The following VLDLR variants were observed in gnomAD, a reference collection of about 807,000 sequenced individuals.
VLDLR encodes very low density lipoprotein receptor, also known as very low-density lipoprotein receptor.
VLDLR carries 81 observed loss-of-function variants against 112.7 expected under a neutral mutation model. The observed-to-expected ratio is 0.72, with a 90% CI of 0.60 to 0.86. The LOEUF (loss-of-function observed/expected upper bound fraction) is 0.86, where lower values mean the gene tolerates loss of function less well. VLDLR is among the 40% of genes least tolerant of loss of function. The pLI, the probability that VLDLR is intolerant of heterozygous loss-of-function variation, is 0.00. For missense variants in VLDLR, 1,237 were observed against 1,099.4 expected (o/e 1.13, Z -1.77); for synonymous variants, 436 against 384.8 (o/e 1.13, Z -1.56).
chr9:2,627,966 G>A (rs1817169375), intron 1 of VLDLR, among the ~76,000 whole-genome samples: 1 of 152,074 alleles, frequency 6.6e-6, no homozygotes, highest in African/African-American at 2.4e-5. Context: ...AAGTATTCTA[G>A]CTAGTAAAAC....
Position 2,654,579 on chromosome 9 carries a change from C to T in VLDLR, c.*711C>T, listed in dbSNP as rs1818515864. On this transcript the variant is annotated 3_prime_UTR_variant, in exon 19 of 19. Transcript: ENST00000382100. ...AGCTGTAGTTCTTGATGTTGTATAA[C>T]TAAGCCTGTAATTGGGCTGGTTTCT... 6.5e-6 allele frequency: 1 copy of T among 152,982 alleles called. No homozygotes were observed. The highest frequency in any genetic ancestry group is 2.4e-5 in the African/African-American group (1 of 41,422). The allele number at this position is 152,982 out of a possible 1,614,324, so 9.5% of individuals were successfully genotyped here.
At chr9:2,624,326 G>A (rs1003089960) in intron 1 of VLDLR, among the ~76,000 whole-genome samples, 2 of 152,204 alleles carry the variant, frequency 1.3e-5, no homozygotes, top group Admixed American at 6.5e-5. Flanking sequence ...TAAGTTCAAA[G>A]TCTCAGGGCA....
rs1164163174 is a variant in VLDLR at position 2,656,653 on chromosome 9, A to T, written c.*2785A>T. On this transcript the variant is annotated 3_prime_UTR_variant, in exon 19 of 19. Coordinates refer to ENST00000382100, the MANE Select transcript of VLDLR (RefSeq NM_003383.5). ...TAAAATATGAAGCTTATCATACACT[A>T]AAGGAGAATATTTGGAGTTAGATGA... The T allele has an allele frequency of 6.6e-6, 1 of 152,134 alleles. No homozygotes were observed. Among genetic ancestry groups the T allele is most frequent in the East Asian group, 1.9e-4 (1 of 5,188 alleles). The allele number at this position is 152,134 out of a possible 1,614,324, so 9.4% of individuals were successfully genotyped here.
chr9:2,639,963 G>T lies in VLDLR; in HGVS notation c.307G>T (p.Glu103Ter). 6.2e-7 allele frequency: 1 copy of T among 1,614,202 alleles called. No individual in the cohort carries two copies. Among genetic ancestry groups the T allele is most frequent in the South Asian group, 1.1e-5 (1 of 91,078 alleles). Residue 103 changes from glutamate to a stop codon, truncating the protein, a stop_gained, in exon 3 of 19, where the codon GAA becomes TAA. Transcript: ENST00000382100. LOFTEE classifies it high-confidence loss of function. ...GDPDCEDGSDESPEQCHMRTC... is the reference protein window; with the variant it reads ...GDPDCEDGSD ...TCCTGACTGCGAAGATGGTTCAGAT[G>T]AAAGCCCAGAACAGTGCCGTGAGTG...
intron 2 of VLDLR, among the ~76,000 whole-genome samples, chr9:2,638,678 A>C (rs1402616805): frequency 6.6e-6 from 1 of 152,198 alleles, no homozygotes; most frequent in Non-Finnish European, 1.5e-5. Flanking sequence ...TTCCAGATAT[A>C]ATTAAAAGTG....
At chr9:2,623,500 A>T (rs1364253605) in intron 1 of VLDLR, among the ~76,000 whole-genome samples, 1 of 152,236 alleles carries the variant, frequency 6.6e-6, no homozygotes, top group Non-Finnish European at 1.5e-5. Flanking sequence ...GTGCTCCTGA[A>T]GTGAGAGCGA....
intron 18 of VLDLR, 48 bp from the exon 19 acceptor site, chr9:2,653,785 A>G: frequency 6.2e-7 from 1 of 1,610,738 alleles, no homozygotes; most frequent in Non-Finnish European, 8.5e-7. Context: ...TAGAGTTGCC[A>G]TCAGTGAGTG....
intron 1 of VLDLR, among the ~76,000 whole-genome samples, chr9:2,629,767 G>A (rs143521927): frequency 3.3e-5 from 5 of 152,218 alleles, no homozygotes; most frequent in Admixed American, 1.3e-4. Flanking sequence ...CCACTTTTTA[G>A]TGGCCCCCGA....
intron 1 of VLDLR, among the ~76,000 whole-genome samples, chr9:2,623,428 G>A (rs758414316): frequency 6.6e-6 from 1 of 151,814 alleles, no homozygotes; most frequent in Non-Finnish European, 1.5e-5. Context: ...CTTAACACCC[G>A]TTCCAGAGTC....
chr9:2,650,344 T>G (rs770918128), intron 14 of VLDLR, 26 bp from the exon 15 acceptor site: 4 of 1,613,696 alleles, frequency 2.5e-6, no homozygotes, highest in Non-Finnish European at 3.4e-6. Flanking sequence ...AATACCCATT[T>G]TAATGGTATT....
In VLDLR at chr9:2,645,691, A is replaced by T; in HGVS notation, c.1430A>T (p.Asp477Val). The T allele has an allele frequency of 6.2e-7, 1 of 1,614,208 alleles. No individual in the cohort carries two copies. The highest frequency in any genetic ancestry group is 8.5e-7 in the Non-Finnish European group (1 of 1,180,030). ...AGAAACACTGTGGCTCTCGATGCTG[A>T]CATTGCTGCCCAGAAACTATTCTGG... ...QLRNTVALDA[D>V]IAAQKLFWAD... Residue 477 changes from aspartate to valine, a missense_variant, in exon 10 of 19, where the codon GAC becomes GTC. Asp to Val is a radical substitution (Grantham distance 152). Transcript: ENST00000382100.
rs968878232 is a variant in VLDLR, at chr9:2,659,239, G to C, written c.*5371G>C. On this transcript the variant is annotated 3_prime_UTR_variant, in exon 19 of 19. Transcript: ENST00000382100. ...TGGTTCCAAATCCTATGTGCTTACT[G>C]CCGTCTTCTCTTAGAAGGGGATGCA... The C allele has an allele frequency of 1.3e-5, 2 of 152,200 alleles. No homozygotes were observed. The highest frequency in any genetic ancestry group is 4.8e-5 in the African/African-American group (2 of 41,434). The allele number at this position is 152,200 out of a possible 1,614,324, so 9.4% of individuals were successfully genotyped here.
intron 12 of VLDLR, among the ~76,000 whole-genome samples, 195 bp from the exon 13 acceptor site, chr9:2,648,013 A>C (rs1818149152): frequency 6.6e-6 from 1 of 152,228 alleles, no homozygotes; most frequent in Non-Finnish European, 1.5e-5. Context: ...TGAGAATCTC[A>C]GGTACCCTGT....
chr9:2,650,651 C>A, intron 15 of VLDLR, 135 bp downstream of exon 15: 1 of 1,276,784 alleles, frequency 7.8e-7, no homozygotes. Context: ...TATTGTATGC[C>A]GGGTTATCAT....
At chr9:2,634,117 C>G (rs1292324122) in intron 1 of VLDLR, among the ~76,000 whole-genome samples, 1 of 152,072 alleles carries the variant, frequency 6.6e-6, no homozygotes. Flanking sequence ...ATTTAATATC[C>G]AAGGAAGTAA....
chr9:2,648,229 A>T lies in VLDLR; in HGVS notation c.1844A>T (p.Tyr615Phe), dbSNP rs878897168. 1.9e-6 allele frequency: 3 copies of T among 1,614,170 alleles called. No homozygotes were observed. The highest frequency in any genetic ancestry group is 2.5e-6 in the Non-Finnish European group (3 of 1,180,026). ...CTAGACCTTATAAAAAGTCGCCTCT[A>T]TTGGCTTGATTCTAAGTTGCACATG... ...ITLDLIKSRL[Y>F]WLDSKLHMLS... Residue 615 changes from tyrosine to phenylalanine, a missense_variant, in exon 13 of 19, where the codon TAT (tyrosine) becomes TTT (phenylalanine). Coordinates refer to ENST00000382100, the MANE Select transcript of VLDLR (RefSeq NM_003383.5).
chr9:2,624,378 T>G (rs564816763), intron 1 of VLDLR, among the ~76,000 whole-genome samples: 1 of 152,304 alleles, frequency 6.6e-6, no homozygotes, highest in African/African-American at 2.4e-5. Flanking sequence ...CACATACCCC[T>G]TCTGTCCACT....
At position 2,653,994 on chromosome 9, in the gene VLDLR, G is replaced by C; in HGVS notation, c.*126G>C. 1.0e-6 allele frequency: 1 copy of C among 970,826 alleles called. No homozygotes were observed. Among genetic ancestry groups the C allele is most frequent in the Non-Finnish European group, 1.6e-6 (1 of 606,762 alleles). The allele number at this position is 970,826 out of a possible 1,614,324, so 60.1% of individuals were successfully genotyped here. On this transcript the variant is annotated 3_prime_UTR_variant, in exon 19 of 19. Coordinates refer to ENST00000382100, the MANE Select transcript of VLDLR (RefSeq NM_003383.5). ...TGGAAGAACATCAAGATACCTTTGC[G>C]TGGATCAAGCTTGTGTACTTGACCG...
At chr9:2,626,031 C>G (rs1545566) in intron 1 of VLDLR, among the ~76,000 whole-genome samples, 24,618 of 152,232 alleles carry the variant, frequency 0.16, 2,093 homozygotes, top group African/African-American at 0.18. Flanking sequence ...AACAAAAACT[C>G]TAAACACTGT....
Sources: allele counts gnomAD v4.1 joint callset (sites outside exome capture counted in the v4.1 genomes callset), GRCh38; gene constraint gnomAD v4.1.1; transcripts MANE v1.5; gene names NCBI Gene and HGNC (gene_info 2026-07-23, HGNC 2026-07-21).